The following DLG1 variants were observed in gnomAD, a reference collection of about 807,000 sequenced individuals.
DLG1 encodes the protein disks large homolog 1.
DLG1 carries 42 observed loss-of-function variants against 123.4 expected under a neutral mutation model. The observed-to-expected ratio is 0.34, with a 90% CI of 0.27 to 0.44. The LOEUF is 0.44. Ranked by LOEUF, DLG1 falls within the 20% of genes least tolerant of loss-of-function variation. The pLI is 1.00. For synonymous variants in DLG1, 317 were observed against 356.2 expected (o/e 0.89, Z 1.24); for missense variants, 942 against 1,082.6 (o/e 0.87, Z 1.82).
intron 5 of DLG1, among the ~76,000 whole-genome samples, chr3:197,176,911 T>A (rs532102773): frequency 6.6e-6 from 1 of 152,182 alleles, no homozygotes; most frequent in East Asian, 1.9e-4. Flanking sequence ...TTAATCTTCA[T>A]CTCTATGCTT....
chr3:197,051,387 A>T (rs1727586703), intron 24 of DLG1, among the ~76,000 whole-genome samples, 190 bp downstream of exon 24: 1 of 151,614 alleles, frequency 6.6e-6, no homozygotes, highest in Admixed American at 6.6e-5. Flanking sequence ...ATACCATTGC[A>T]CTCCGCTTGG....
intron 4 of DLG1, among the ~76,000 whole-genome samples, chr3:197,221,635 C>G (rs1737126294): frequency 1.3e-5 from 2 of 152,106 alleles, no homozygotes; most frequent in South Asian, 2.1e-4. Flanking sequence ...GAAGAGAGAG[C>G]CTCAGTTGCA....
At chr3:197,246,621 G>A (rs746513040) in intron 4 of DLG1, among the ~76,000 whole-genome samples, 2 of 152,150 alleles carry the variant, frequency 1.3e-5, no homozygotes, top group Non-Finnish European at 2.9e-5. Flanking sequence ...TGATAGGAAG[G>A]CCACAGGTTG....
chr3:197,268,843 T>A (rs571633262), intron 4 of DLG1, among the ~76,000 whole-genome samples: 2 of 152,030 alleles, frequency 1.3e-5, no homozygotes, highest in East Asian at 1.9e-4. Flanking sequence ...TTCTATTTTT[T>A]AATTTTTTTT....
At chr3:197,159,235 T>C (rs185107550) in intron 5 of DLG1, among the ~76,000 whole-genome samples, 5 of 152,342 alleles carry the variant, frequency 3.3e-5, no homozygotes, top group African/African-American at 1.2e-4. Context: ...ATAATAAGCA[T>C]AATTCTGATT....
intron 4 of DLG1, among the ~76,000 whole-genome samples, chr3:197,264,196 T>TA (rs1191390926): frequency 1.3e-5 from 2 of 152,222 alleles, no homozygotes; most frequent in Non-Finnish European, 2.9e-5. Context: ...AACCACTTTT[T>TA]AATGATCTAA....
chr3:197,075,865 G>T (rs1331970384), intron 18 of DLG1: 1 of 1,612,076 alleles, frequency 6.2e-7, no homozygotes, highest in African/African-American at 1.3e-5. Context: ...TGTCGTCAGG[G>T]ATCTCCTGTA....
At chr3:197,273,206 G>GTGTGTA (rs940649732) in intron 4 of DLG1, among the ~76,000 whole-genome samples, 3 of 151,046 alleles carry the variant, frequency 2.0e-5, no homozygotes, top group Admixed American at 6.6e-5. Flanking sequence ...GTGTGTGTGT[G>GTGTGTA]TGTGTATGTG....
intron 4 of DLG1, among the ~76,000 whole-genome samples, chr3:197,215,619 G>T (rs1344728111): frequency 6.6e-6 from 1 of 151,360 alleles, no homozygotes; most frequent in African/African-American, 2.4e-5. Context: ...AAAAAGAAAA[G>T]AAAAATAAAA....
At chr3:197,105,479 G>A (rs989593937) in intron 13 of DLG1, among the ~76,000 whole-genome samples, 23 of 152,102 alleles carry the variant, frequency 1.5e-4, no homozygotes, top group African/African-American at 5.3e-4. Flanking sequence ...CATTCTTTTG[G>A]TATAATAGGA....
chr3:197,238,671 T>C (rs1267428849), intron 4 of DLG1, among the ~76,000 whole-genome samples: 1 of 152,066 alleles, frequency 6.6e-6, no homozygotes, highest in Non-Finnish European at 1.5e-5. Flanking sequence ...CAGAAATCAG[T>C]AATAGAAGGA....
intron 23 of DLG1, among the ~76,000 whole-genome samples, chr3:197,053,795 TCTG>T (rs1294563212): frequency 1.7e-4 from 15 of 87,100 alleles, no homozygotes; most frequent in Non-Finnish European, 3.3e-4. Context: ...AAAAAAAAAA[TCTG>T]CTGATTGCTG....
intron 4 of DLG1, among the ~76,000 whole-genome samples, chr3:197,237,184 A>C (rs1241646180): frequency 6.6e-6 from 1 of 152,210 alleles, no homozygotes; most frequent in Non-Finnish European, 1.5e-5. Context: ...CACATGCTAC[A>C]TACAACTAAA....
intron 5 of DLG1, among the ~76,000 whole-genome samples, chr3:197,158,642 A>AAAAAAC (rs1797485598): frequency 8.2e-6 from 1 of 121,454 alleles, no homozygotes; most frequent in African/African-American, 3.0e-5. Flanking sequence ...TTCAAAAAAA[A>AAAAAAC]AAAAAAAAAA....
At chr3:197,079,721 T>A (rs1161318046) in intron 17 of DLG1, among the ~76,000 whole-genome samples, 2 of 152,314 alleles carry the variant, frequency 1.3e-5, no homozygotes, top group East Asian at 3.9e-4. Flanking sequence ...AATACAAATT[T>A]CTATTTTAAT....
chr3:197,225,102 A>C (rs1433334804), intron 4 of DLG1, among the ~76,000 whole-genome samples: 1 of 152,056 alleles, frequency 6.6e-6, no homozygotes, highest in Non-Finnish European at 1.5e-5. Context: ...GACTACAGGC[A>C]CCCGCCACCG....
At chr3:197,217,771 G>C (rs184770433) in intron 4 of DLG1, among the ~76,000 whole-genome samples, 1 of 152,284 alleles carries the variant, frequency 6.6e-6, no homozygotes, top group East Asian at 1.9e-4. Context: ...TTGTCTGGGA[G>C]AGAAGAGAAC....
rs139789027 is a variant in DLG1, at chr3:197,090,986, C to T, written c.1587G>A (p.Glu529=). The change falls in exon 15 of 25, where the codon GAG becomes GAA. Residue 529 remains glutamate (E), a synonymous_variant. Transcript: ENST00000667157. ...RFEAKIHDLR[E]QMMNSSISSG... is the part of the protein sequence containing the mutation. The stretch of plus-strand genomic sequence containing the variant: ...AACTAATACTACTATTCATCATCTG[C>T]TCCCGTAAATCATGTATTTTAGCTT... 6 of 1,612,136 alleles carry T rather than the reference C, an allele frequency of 3.7e-6. No homozygotes were observed. In the East Asian group the frequency reaches 1.3e-4, roughly 36 times the overall value.
chr3:197,084,316 GTT>G (rs71623334), intron 16 of DLG1, among the ~76,000 whole-genome samples: 7,435 of 143,030 alleles, frequency 0.052, 200 homozygotes, highest in South Asian at 0.076. Flanking sequence ...ACTTTTTGTT[GTT>G]TTTTTTTTTT....
Sources: allele counts gnomAD v4.1 joint callset (sites outside exome capture counted in the v4.1 genomes callset), GRCh38; gene constraint gnomAD v4.1.1; transcripts MANE v1.5; gene names NCBI Gene and HGNC (gene_info 2026-07-23, HGNC 2026-07-21).